The following CAMK4 variants were observed in gnomAD, a reference collection of about 807,000 sequenced individuals.
CAMK4 encodes calcium/calmodulin-dependent protein kinase type IV.
A neutral mutation model predicts 44.9 loss-of-function variants in CAMK4; 22 were observed. That is an observed-to-expected ratio of 0.49 (90% CI 0.35 to 0.70). The LOEUF is 0.70. Among genes scored for constraint, CAMK4 ranks in the 30% least tolerant of loss-of-function variants. The pLI is 0.01. For synonymous variants in CAMK4, 218 were observed against 215.4 expected (o/e 1.01, Z -0.11); for missense variants, 498 against 586.8 (o/e 0.85, Z 1.56).
chr5:111,465,241 T>G (rs1326278442), intron 7 of CAMK4, among the ~76,000 whole-genome samples: 1 of 151,538 alleles, frequency 6.6e-6, no homozygotes, highest in Non-Finnish European at 1.5e-5. Flanking sequence ...AATCCCTACA[T>G]CAAAAAGTCT....
chr5:111,414,113 C>A (rs1370052032), intron 5 of CAMK4, among the ~76,000 whole-genome samples: 1 of 152,148 alleles, frequency 6.6e-6, no homozygotes, highest in Non-Finnish European at 1.5e-5. Flanking sequence ...CCTTCACTTG[C>A]TGTGAGTCAG....
chr5:111,257,072 A>G (rs1278410699), intron 1 of CAMK4, among the ~76,000 whole-genome samples: 1 of 152,250 alleles, frequency 6.6e-6, no homozygotes, highest in Non-Finnish European at 1.5e-5. Flanking sequence ...AGGTGATACT[A>G]TTCAGGACAT....
intron 1 of CAMK4, among the ~76,000 whole-genome samples, chr5:111,239,699 C>T (rs569535625): frequency 6.6e-6 from 1 of 152,286 alleles, no homozygotes; most frequent in African/African-American, 2.4e-5. Flanking sequence ...TCAGTGCATT[C>T]ATTATACACG....
At chr5:111,421,923 G>A (rs188868107) in intron 5 of CAMK4, among the ~76,000 whole-genome samples, 7 of 152,236 alleles carry the variant, frequency 4.6e-5, no homozygotes, top group East Asian at 3.9e-4. Context: ...AGGACGGTTC[G>A]CTTGCACACA....
At chr5:111,455,489 G>A (rs553406786) in intron 7 of CAMK4, among the ~76,000 whole-genome samples, 197 of 152,290 alleles carry the variant, frequency 1.3e-3, no homozygotes, top group African/African-American at 4.4e-3. Flanking sequence ...AGTGTAGAAT[G>A]ACAGGTAAAA....
intron 4 of CAMK4, among the ~76,000 whole-genome samples, chr5:111,391,658 G>A (rs1751805122): frequency 6.6e-6 from 1 of 151,928 alleles, no homozygotes; most frequent in South Asian, 2.1e-4. Context: ...GAAAACCAAG[G>A]CAATGGAAGA....
chr5:111,491,599 C>T lies in CAMK4; in HGVS notation c.*7133C>T, dbSNP rs193091350. On this transcript the variant is annotated 3_prime_UTR_variant, in exon 11 of 11. Coordinates refer to ENST00000282356, the MANE Select transcript of CAMK4 (RefSeq NM_001744.6). ...GAACTAAAAACGCAAAATTGCATCA[C>T]TCCTGAAGAAAAGAAATTTAGAGTA... 32 of 152,202 alleles carry T rather than the reference C, an allele frequency of 2.1e-4. No homozygotes were observed. In the East Asian group the frequency reaches 5.6e-3, roughly 27 times the overall value. 9.4% of individuals were successfully genotyped at this position (152,202 alleles called of 1,614,324 possible). A position where few individuals can be genotyped will look rare whatever the true frequency, so the allele number is the denominator to read the frequency against.
chr5:111,338,280 A>G (rs1749493007), intron 1 of CAMK4, among the ~76,000 whole-genome samples: 1 of 151,192 alleles, frequency 6.6e-6, no homozygotes, highest in Non-Finnish European at 1.5e-5. Flanking sequence ...CAAGTATACA[A>G]TACATTATTA....
intron 4 of CAMK4, among the ~76,000 whole-genome samples, chr5:111,381,213 C>A (rs1465650775): frequency 1.3e-5 from 2 of 152,102 alleles, no homozygotes; most frequent in African/African-American, 4.8e-5. Flanking sequence ...AGTTAAGGAT[C>A]TGTAAAGGGA....
chr5:111,229,290 C>T (rs190893983), intron 1 of CAMK4, among the ~76,000 whole-genome samples: 463 of 152,272 alleles, frequency 3.0e-3, no homozygotes, highest in Non-Finnish European at 5.3e-3. Context: ...GCTGCCTTCT[C>T]GCTGTGTCGT....
At chr5:111,323,458 T>C (rs1165491774) in intron 1 of CAMK4, among the ~76,000 whole-genome samples, 1 of 152,014 alleles carries the variant, frequency 6.6e-6, no homozygotes, top group Non-Finnish European at 1.5e-5. Flanking sequence ...CATTTTCCAC[T>C]TATGATATTT....
At chr5:111,264,039 G>A (rs1269200692) in intron 1 of CAMK4, among the ~76,000 whole-genome samples, 1 of 152,110 alleles carries the variant, frequency 6.6e-6, no homozygotes, top group African/African-American at 2.4e-5. Flanking sequence ...ACTTTCCTAG[G>A]GCATTTGCCC....
At chr5:111,344,412 G>A (rs71588717) in intron 2 of CAMK4, among the ~76,000 whole-genome samples, 7 of 56,594 alleles carry the variant, frequency 1.2e-4, no homozygotes, top group East Asian at 5.2e-4. Context: ...ATATATATAT[G>A]TATATACACA....
intron 1 of CAMK4, among the ~76,000 whole-genome samples, chr5:111,287,532 GT>G (rs2112617749): frequency 6.6e-6 from 1 of 152,240 alleles, no homozygotes; most frequent in East Asian, 1.9e-4. Context: ...TTTAAGGAAA[GT>G]TTACTTTTCA....
At chr5:111,396,628 A>ATTTTTTT (rs1210775733) in intron 5 of CAMK4, among the ~76,000 whole-genome samples, 11 of 41,290 alleles carry the variant, frequency 2.7e-4, no homozygotes, top group South Asian at 7.3e-4. Flanking sequence ...ATTAACTCAT[A>ATTTTTTT]TTCTTTTTTT....
intron 1 of CAMK4, among the ~76,000 whole-genome samples, chr5:111,294,124 C>G (rs1331757287): frequency 6.6e-6 from 1 of 152,164 alleles, no homozygotes; most frequent in Non-Finnish European, 1.5e-5. Flanking sequence ...TTTATTCACT[C>G]ACCCATTCAT....
At chr5:111,262,586 G>A (rs548690722) in intron 1 of CAMK4, among the ~76,000 whole-genome samples, 11 of 152,262 alleles carry the variant, frequency 7.2e-5, no homozygotes, top group Non-Finnish European at 1.3e-4. Flanking sequence ...ATCAATCTGA[G>A]GGGGATTTTA....
intron 2 of CAMK4, among the ~76,000 whole-genome samples, chr5:111,353,189 A>G (rs1388131518): frequency 6.6e-6 from 1 of 152,048 alleles, no homozygotes; most frequent in African/African-American, 2.4e-5. Context: ...CTTTACATAC[A>G]CTATTGCAAT....
At chr5:111,279,369 T>C (rs1750909225) in intron 1 of CAMK4, among the ~76,000 whole-genome samples, 1 of 152,146 alleles carries the variant, frequency 6.6e-6, no homozygotes, top group South Asian at 2.1e-4. Context: ...GGGACCCTTC[T>C]GCAGATCTCA....
Sources: allele counts gnomAD v4.1 joint callset (sites outside exome capture counted in the v4.1 genomes callset), GRCh38; gene constraint gnomAD v4.1.1; transcripts MANE v1.5; gene names NCBI Gene and HGNC (gene_info 2026-07-23, HGNC 2026-07-21).